The following AKR1C3 variants were observed in gnomAD, a reference collection of about 807,000 sequenced individuals.
AKR1C3 encodes the protein 3-alpha hydroxysteroid dehydrogenase, type II.
Under a neutral mutation model 43.6 loss-of-function variants are expected in AKR1C3, and 48 were observed. The ratio of observed to expected loss-of-function variants is 1.10; its 90% CI spans 0.87 to 1.40. AKR1C3 has a LOEUF of 1.40. AKR1C3 is among the 40% of genes most tolerant of loss of function. The pLI is 0.00. For missense variants in AKR1C3, 482 were observed against 391.2 expected (o/e 1.23, Z -1.96); for synonymous variants, 162 against 139.6 (o/e 1.16, Z -1.13).
At chr10:5,077,655 C>T in intron 1 of AKR1C3, 1 of 1,073,622 alleles carries the variant, frequency 9.3e-7, no homozygotes, top group Non-Finnish European at 1.1e-6. Flanking sequence ...TGAACATTCC[C>T]CTTAGTAAAA....
At chr10:5,054,439 G>A (rs1035588105) in intron 1 of AKR1C3, among the ~76,000 whole-genome samples, 2 of 152,132 alleles carry the variant, frequency 1.3e-5, no homozygotes, top group Non-Finnish European at 2.9e-5. Flanking sequence ...CTGATTTCCT[G>A]GGGCAATGTT....
intron 1 of AKR1C3, among the ~76,000 whole-genome samples, chr10:5,057,556 G>A (rs1251949489): frequency 1.3e-5 from 2 of 152,176 alleles, no homozygotes; most frequent in African/African-American, 4.8e-5. Flanking sequence ...GCCTCATGTA[G>A]CCACTCAAGG....
intron 1 of AKR1C3, among the ~76,000 whole-genome samples, chr10:5,051,820 C>T (rs187412635): frequency 6.6e-5 from 10 of 152,290 alleles, no homozygotes; most frequent in African/African-American, 2.2e-4. Flanking sequence ...AGTCCACAGG[C>T]CATAAGGGAA....
At chr10:5,095,299 CTCACTT>C (rs1201568016) in intron 1 of AKR1C3, among the ~76,000 whole-genome samples, 1 of 151,994 alleles carries the variant, frequency 6.6e-6, no homozygotes, top group Admixed American at 6.6e-5. Context: ...ATTTGAGTCT[CTCACTT>C]TATCGATAAG....
chr10:5,095,144 G>T (rs1839178026), intron 1 of AKR1C3, among the ~76,000 whole-genome samples: 1 of 151,956 alleles, frequency 6.6e-6, no homozygotes, highest in Admixed American at 6.6e-5. Context: ...GTCCTTTTTT[G>T]TATGCATCAT....
chr10:5,107,118 A>G (rs1839524420), intron 8 of AKR1C3, among the ~76,000 whole-genome samples: 1 of 152,208 alleles, frequency 6.6e-6, no homozygotes, highest in Non-Finnish European at 1.5e-5. Context: ...GAATCTTACA[A>G]AATATATTGC....
intron 1 of AKR1C3, among the ~76,000 whole-genome samples, chr10:5,060,975 G>T (rs115954612): frequency 3.3e-5 from 5 of 152,330 alleles, no homozygotes; most frequent in Non-Finnish European, 7.4e-5. Context: ...TGGAACTCAC[G>T]CTGGCCCACA....
intron 1 of AKR1C3, among the ~76,000 whole-genome samples, chr10:5,086,348 A>C (rs1554783072): frequency 1.3e-5 from 2 of 151,518 alleles, no homozygotes; most frequent in African/African-American, 4.9e-5. Flanking sequence ...GTAGTCATTC[A>C]GGAGCAGGTT....
intron 1 of AKR1C3, chr10:5,077,782 A>G: frequency 1.1e-5 from 10 of 923,502 alleles, no homozygotes; most frequent in Non-Finnish European, 1.4e-5. Flanking sequence ...TTTTACATTA[A>G]CATGTTCCTT....
chr10:5,091,571 T>C (rs1554784177), upstream of AKR1C3, among the ~76,000 whole-genome samples: 1 of 152,170 alleles, frequency 6.6e-6, no homozygotes, highest in African/African-American at 2.4e-5. Context: ...CCTTTCTCAA[T>C]TGCTCTTTTA....
intron 1 of AKR1C3, among the ~76,000 whole-genome samples, chr10:5,078,524 G>T (rs555201620): frequency 2.5e-4 from 38 of 152,302 alleles, no homozygotes; most frequent in African/African-American, 9.1e-4. Flanking sequence ...GCCACCACGA[G>T]TGCCACTGGT....
Position 5,099,460 on chromosome 10 carries a change from T to C in AKR1C3, c.570+11T>C, listed in dbSNP as rs376735800. The C allele has an allele frequency of 2.5e-6, 4 of 1,614,050 alleles. No individual in the cohort carries two copies. The highest frequency in any genetic ancestry group is 2.2e-5 in the East Asian group (1 of 44,888). On this transcript the variant is annotated intron_variant, in intron 5 of 8. Transcript: ENST00000380554. ...CCTGTCTGCAACCAGGTGAGCTCCC[T>C]TGGCCTTCTCTCCTTTCGGTTCTTC...
chr10:5,105,687 CT>C lies in AKR1C3; in HGVS notation c.929+13del. On this transcript the variant is annotated intron_variant, in intron 8 of 8. Transcript: ENST00000380554. ...ATTTTAACAGTGATAGGTAAGTTTC[CT>C]TTGTAAATGGGTGATCTAATTTATT... The C allele has an allele frequency of 6.3e-7, 1 of 1,599,852 alleles. No homozygotes were observed. The highest frequency in any genetic ancestry group is 8.6e-7 in the Non-Finnish European group (1 of 1,167,958).
At chr10:5,051,505 T>C (rs1443734656) in intron 1 of AKR1C3, among the ~76,000 whole-genome samples, 5 of 152,214 alleles carry the variant, frequency 3.3e-5, no homozygotes, top group African/African-American at 1.2e-4. Flanking sequence ...ATGCAGATTC[T>C]CCAGCAATCA....
At chr10:5,103,599 C>T (rs1839414033) in intron 7 of AKR1C3, among the ~76,000 whole-genome samples, 1 of 152,154 alleles carries the variant, frequency 6.6e-6, no homozygotes. Context: ...GGACATTTGT[C>T]TGGGTGCCAT....
At chr10:5,103,730 G>C (rs1797180434) in intron 7 of AKR1C3, among the ~76,000 whole-genome samples, 1 of 152,212 alleles carries the variant, frequency 6.6e-6, no homozygotes, top group African/African-American at 2.4e-5. Context: ...GCTCAGGGCT[G>C]CCACGCCATT....
upstream of AKR1C3, among the ~76,000 whole-genome samples, chr10:5,092,653 A>G (rs933778004): frequency 1.3e-5 from 2 of 151,982 alleles, no homozygotes; most frequent in Non-Finnish European, 2.9e-5. Flanking sequence ...TATAATTTCT[A>G]CATCATTGTT....
Position 5,099,319 on chromosome 10 carries a change from C to T in AKR1C3, c.448-8C>T, listed in dbSNP as rs550917529. On this transcript the variant is annotated splice_polypyrimidine_tract_variant and splice_region_variant and intron_variant, in intron 4 of 8. Coordinates refer to ENST00000380554, the MANE Select transcript of AKR1C3 (RefSeq NM_003739.6). ...ACAAATAATTCCTCACAACCCCTTT[C>T]TCCACAGGCCATGGAGAAGTGTAAG... is the stretch of plus-strand genomic sequence containing the variant. The T allele has an allele frequency of 6.2e-7, 1 of 1,614,146 alleles. No individual in the cohort carries two copies. The highest frequency in any genetic ancestry group is 1.7e-5 in the Admixed American group (1 of 60,022).
At chr10:5,068,098 A>AT (rs1340923446) in intron 1 of AKR1C3, among the ~76,000 whole-genome samples, 6 of 151,998 alleles carry the variant, frequency 3.9e-5, no homozygotes, top group African/African-American at 1.2e-4. Context: ...TATTTGATTA[A>AT]TTTTTTTGTT....
Sources: allele counts gnomAD v4.1 joint callset (sites outside exome capture counted in the v4.1 genomes callset), GRCh38; gene constraint gnomAD v4.1.1; transcripts MANE v1.5; gene names NCBI Gene and HGNC (gene_info 2026-07-23, HGNC 2026-07-21).